Variants in SPDYE1 observed in about 807,000 individuals in gnomAD.
SPDYE1 encodes speedy/RINGO cell cycle regulator family member E1.
SPDYE1 carries 29 observed loss-of-function variants against 45.9 expected under a neutral mutation model. The observed-to-expected ratio is 0.63, with a 90% CI of 0.47 to 0.86. The LOEUF (loss-of-function observed/expected upper bound fraction) is 0.86. Among genes scored for constraint, SPDYE1 ranks in the 40% least tolerant of loss-of-function variants. The pLI is 0.00. For synonymous variants in SPDYE1, 134 were observed against 176.8 expected (o/e 0.76, Z 1.92); for missense variants, 346 against 481.4 (o/e 0.72, Z 2.63).
intron 3 of SPDYE1, among the ~76,000 whole-genome samples, chr7:44,001,942 A>T (rs2096063833): frequency 6.7e-6 from 1 of 149,646 alleles, no homozygotes; most frequent in South Asian, 2.1e-4. Flanking sequence ...GCTGTCTCAA[A>T]AAAAAAAAAA....
At chr7:44,007,156 G>C in intron 6 of SPDYE1, 112 bp from the exon 7 acceptor site, 1 of 1,598,298 alleles carries the variant, frequency 6.3e-7, no homozygotes, top group South Asian at 1.1e-5. Context: ...TGCAGGGTGG[G>C]TGCCAGTCCT....
chr7:44,007,381 A>G lies in SPDYE1; in HGVS notation c.866A>G (p.Gln289Arg), dbSNP rs765195793. Residue 289 changes from glutamine (Q) to arginine (R), a missense_variant, in exon 7 of 9, where the codon CAG becomes CGG. Around this residue, in one of 4 missense-constraint regions of SPDYE1, gnomAD observed 186 missense variants for 219.1 expected, o/e 0.85. Coordinates refer to ENST00000693451, the MANE Select transcript of SPDYE1 (RefSeq NM_001378423.2). ...RIPLLRKRRF[Q>R]LYRSMNPRAR... ...CCCTTGCTCCGTAAGCGTCGGTTCC[A>G]GTTATACCGTTCCATGAACCCGAGG... 5 of 1,613,126 alleles carry G rather than the reference A, an allele frequency of 3.1e-6. No individual in the cohort carries two copies. In the African/African-American group the frequency reaches 6.7e-5, roughly 22 times the overall value.
At chr7:44,004,077 C>G in intron 5 of SPDYE1, 166 bp downstream of exon 5, 10 of 1,248,460 alleles carry the variant, frequency 8.0e-6, no homozygotes, top group Non-Finnish European at 1.1e-5. Flanking sequence ...GCTCTGTTGC[C>G]CAGGCTGGAG....
At chr7:44,008,002 G>A (rs906375482) in intron 8 of SPDYE1, 189 bp downstream of exon 8, 1 of 1,444,350 alleles carries the variant, frequency 6.9e-7, no homozygotes, top group African/African-American at 1.4e-5. Context: ...GCCGAGGCGG[G>A]AGGATTGCTG....
chr7:44,000,466 AAGG>A (rs1258913406), intron 2 of SPDYE1, among the ~76,000 whole-genome samples: 1 of 147,912 alleles, frequency 6.8e-6, no homozygotes, highest in East Asian at 2.0e-4. Flanking sequence ...AGCGGTCAGG[AAGG>A]AGAACCTGAG....
At chr7:44,006,724 T>C (rs1222237889) in intron 6 of SPDYE1, among the ~76,000 whole-genome samples, 1 of 152,180 alleles carries the variant, frequency 6.6e-6, no homozygotes, top group African/African-American at 2.4e-5. Flanking sequence ...ACACAATTCT[T>C]ATGCTTCAGC....
rs1440229361 is a variant in SPDYE1 at position 44,002,715 on chromosome 7, A to G, written c.505A>G (p.Ile169Val). 3.1e-6 allele frequency: 5 copies of G among 1,595,404 alleles called. No individual in the cohort carries two copies. The African/African-American group carries it at 5.4e-5, about 17-fold the overall frequency. Residue 169 changes from isoleucine to valine, a missense_variant, in exon 4 of 9, where the codon ATC becomes GTC. Ile to Val is a conservative substitution (Grantham distance 29). Transcript: ENST00000693451. ...GGTGCTCGCCCCTGAGCCTGAGGAG[A>G]TCTGGGTGGCGGAGATGCTGTGTGG... ...RKVLAPEPEE[I>V]WVAEMLCGLK...
chr7:44,007,239 C>G, intron 6 of SPDYE1, 29 bp from the exon 7 acceptor site: 1 of 1,612,214 alleles, frequency 6.2e-7, no homozygotes, highest in Non-Finnish European at 8.5e-7. Context: ...GGTGGTGCCC[C>G]TGAGCAGCAA....
At chr7:44,003,353 A>G (rs2096066598) in intron 4 of SPDYE1, among the ~76,000 whole-genome samples, 2 of 151,562 alleles carry the variant, frequency 1.3e-5, no homozygotes, top group Non-Finnish European at 1.5e-5. Context: ...CTCAAAATAA[A>G]TTAATAAATA....
chr7:44,008,073 G>A (rs1329702766), intron 8 of SPDYE1, among the ~76,000 whole-genome samples: 5 of 152,234 alleles, frequency 3.3e-5, no homozygotes, highest in Admixed American at 1.3e-4. Flanking sequence ...CAGTCTGGGC[G>A]ACAGAGTGAG....
chr7:44,000,406 G>C (rs1292266585), intron 2 of SPDYE1, among the ~76,000 whole-genome samples: 1 of 147,814 alleles, frequency 6.8e-6, no homozygotes, highest in Non-Finnish European at 1.5e-5. Context: ...CTGAGATCAC[G>C]CTACTGCACT....
rs752225500 is a variant in SPDYE1 at position 44,007,710 on chromosome 7, T to G, written c.1073T>G (p.Ile358Ser). 63 of 1,610,936 alleles carry G rather than the reference T, an allele frequency of 3.9e-5. No individual in the cohort carries two copies. The highest frequency in any genetic ancestry group is 4.7e-5 in the Non-Finnish European group (56 of 1,179,362). The change falls in exon 8 of 9, where the codon ATC becomes AGC. Residue 358 changes from isoleucine (I) to serine (S), a missense_variant and splice_region_variant. By Grantham distance (142) the Ile-to-Ser change is moderately radical. Around this residue, in one of 4 missense-constraint regions of SPDYE1, gnomAD observed 186 missense variants for 219.1 expected, o/e 0.85. Coordinates refer to ENST00000693451, the MANE Select transcript of SPDYE1 (RefSeq NM_001378423.2). ...CTCAAAGGGCGTTTGTTTTTCCAGA[T>G]CCAGGCTTATGACCCAGAGCACTGG... ...AWVSPEELEE[I>S]QAYDPEHWVW...
At chr7:44,006,964 T>C (rs6950221) in intron 6 of SPDYE1, among the ~76,000 whole-genome samples, 107,953 of 152,128 alleles carry the variant, frequency 0.71, 38,464 homozygotes, top group African/African-American at 0.78. Context: ...TTGCCCAGGC[T>C]CGTCTCAAAC....
intron 3 of SPDYE1, 103 bp downstream of exon 3, chr7:44,001,387 G>A: frequency 2.6e-6 from 4 of 1,547,016 alleles, no homozygotes; most frequent in Non-Finnish European, 3.5e-6. Context: ...CCCCCAGTGG[G>A]TGAGATCTCC....
chr7:44,001,884 G>A (rs1305493822), intron 3 of SPDYE1, among the ~76,000 whole-genome samples: 2 of 151,652 alleles, frequency 1.3e-5, no homozygotes, highest in Non-Finnish European at 2.9e-5. Context: ...AGGTTGTTTT[G>A]AGCCAAGATA....
chr7:44,002,092 G>A (rs1459911247), intron 3 of SPDYE1, among the ~76,000 whole-genome samples: 3 of 150,592 alleles, frequency 2.0e-5, no homozygotes, highest in Non-Finnish European at 1.5e-5. Context: ...CAGATCACTT[G>A]AGGCCAGGAG....
chr7:44,002,819 TAGG>T lies in SPDYE1; in HGVS notation c.607+7_607+9del. On this transcript the variant is annotated splice_donor_5th_base_variant and intron_variant, in intron 4 of 8. Coordinates refer to ENST00000693451, the MANE Select transcript of SPDYE1 (RefSeq NM_001378423.2). ...ACGAGGCCTTCAACAGGCTGCTTGG[TAGG>T]AGGACACCCCAGAGAGCACCTCCAA... 1.4e-6 allele frequency: 2 copies of T among 1,456,976 alleles called. No homozygotes were observed. The highest frequency in any genetic ancestry group is 1.8e-6 in the Non-Finnish European group (2 of 1,096,090). 90.3% of individuals were successfully genotyped at this position (1,456,976 alleles called of 1,614,324 possible). A position where few individuals can be genotyped will look rare whatever the true frequency, so the allele number is the denominator to read the frequency against.
chr7:43,998,393 C>G (rs1351419937), intron 1 of SPDYE1, among the ~76,000 whole-genome samples: 2 of 151,482 alleles, frequency 1.3e-5, no homozygotes, highest in Non-Finnish European at 2.9e-5. Context: ...TGGCTCCCTG[C>G]AACCTGCGCA....
chr7:43,998,375 T>C (rs1323092708), intron 1 of SPDYE1, among the ~76,000 whole-genome samples: 4 of 151,222 alleles, frequency 2.6e-5, no homozygotes, highest in African/African-American at 9.7e-5. Context: ...AGCACAATGG[T>C]GCGATCTTGG....
Sources: allele counts gnomAD v4.1 joint callset (sites outside exome capture counted in the v4.1 genomes callset), GRCh38; gene constraint gnomAD v4.1.1; regional missense constraint gnomAD v4.1.1; transcripts MANE v1.5; gene names NCBI Gene and HGNC (gene_info 2026-07-23, HGNC 2026-07-21).